Variants in FGGY observed in about 807,000 individuals in gnomAD.
FGGY encodes the protein FGGY carbohydrate kinase domain containing.
Under a neutral mutation model 71.3 loss-of-function variants are expected in FGGY, and 72 were observed. The ratio of observed to expected loss-of-function variants is 1.01; its 90% CI spans 0.84 to 1.23. The LOEUF (loss-of-function observed/expected upper bound fraction) is 1.23, where lower values mean the gene tolerates loss of function less well. Ranked by LOEUF, FGGY falls within the 50% of genes most tolerant of loss-of-function variation. The pLI, the probability that FGGY is intolerant of heterozygous loss-of-function variation, is 0.00. For missense variants in FGGY, 668 were observed against 682.3 expected (o/e 0.98, Z 0.23); for synonymous variants, 251 against 250.3 (o/e 1.00, Z -0.02).
At chr1:59,599,361 C>A (rs2096554436) in intron 8 of FGGY, among the ~76,000 whole-genome samples, 1 of 152,040 alleles carries the variant, frequency 6.6e-6, no homozygotes, top group Non-Finnish European at 1.5e-5. Flanking sequence ...TGGCCTTAGC[C>A]TCCCAAAGTG....
At position 59,667,251 on chromosome 1, in the gene FGGY, T is replaced by C. The variant is rs1381638591; in HGVS notation, c.1297-32T>C. 3 of 1,613,498 alleles carry C rather than the reference T, an allele frequency of 1.9e-6. No individual in the cohort carries two copies. In the South Asian group the frequency reaches 3.3e-5, roughly 18 times the overall value. ...TCCCTAGTGTTTACTTTTGTGACTA[T>C]ACTGATGCTATCTTCTGCTTTTCCT... is the stretch of plus-strand genomic sequence containing the variant. On this transcript the variant is annotated intron_variant, in intron 12 of 15. Coordinates refer to ENST00000303721, the MANE Select transcript of FGGY (RefSeq NM_018291.5).
Position 59,660,019 on chromosome 1 carries a change from T to C in FGGY, c.1222-200T>C, listed in dbSNP as rs138704263. ...TGTTTAAGGTCAGGGTATTTTCTCTTGGGGAGGAAGGGATAGTTTTTCCCA... is the reference window on the plus strand; with the variant it reads ...TGTTTAAGGTCAGGGTATTTTCTCTCGGGGAGGAAGGGATAGTTTTTCCCA... On this transcript the variant is annotated intron_variant, in intron 11 of 15. Coordinates refer to ENST00000303721, the MANE Select transcript of FGGY (RefSeq NM_018291.5). 2.6e-5 allele frequency among the ~76,000 whole-genome samples: 4 copies of C among 152,330 alleles called. No homozygotes were observed. The East Asian group carries it at 7.7e-4, about 29-fold the overall frequency.
intron 11 of FGGY, among the ~76,000 whole-genome samples, chr1:59,641,886 T>C (rs775034167): frequency 6.6e-6 from 1 of 152,198 alleles, no homozygotes; most frequent in Non-Finnish European, 1.5e-5. Context: ...AAGCACAAGG[T>C]TCTTTTAAAC....
At chr1:59,412,787 T>C (rs1260159190) in intron 5 of FGGY, among the ~76,000 whole-genome samples, 1 of 152,204 alleles carries the variant, frequency 6.6e-6, no homozygotes, top group Non-Finnish European at 1.5e-5. Context: ...AGCTGAATTA[T>C]AAGTGCTTTT....
chr1:59,634,041 G>A (rs115610842), intron 10 of FGGY, among the ~76,000 whole-genome samples: 1 of 152,148 alleles, frequency 6.6e-6, no homozygotes, highest in Non-Finnish European at 1.5e-5. Flanking sequence ...AACAAAGAGG[G>A]TATTGTTCCT....
chr1:59,506,615 A>G (rs866725261), intron 6 of FGGY, among the ~76,000 whole-genome samples: 102 of 152,364 alleles, frequency 6.7e-4, no homozygotes, highest in Middle Eastern at 3.4e-3. Context: ...TCTGGCCAAC[A>G]TGGCGAAACC....
intron 6 of FGGY, among the ~76,000 whole-genome samples, chr1:59,473,309 C>T (rs995774788): frequency 6.6e-6 from 1 of 152,022 alleles, no homozygotes; most frequent in South Asian, 2.1e-4. Context: ...CGAAGGTCCG[C>T]AGCTTCACTC....
At chr1:59,695,837 C>T (rs1264380245) in intron 14 of FGGY, among the ~76,000 whole-genome samples, 2 of 151,918 alleles carry the variant, frequency 1.3e-5, no homozygotes, top group Non-Finnish European at 2.9e-5. Context: ...TTTTTTTCTT[C>T]TTAAATGACA....
Position 59,746,937 on chromosome 1 carries a change from T to G in FGGY, c.1513-10994T>G, listed in dbSNP as rs142806987. 9.2e-5 allele frequency among the ~76,000 whole-genome samples: 14 copies of G among 152,348 alleles called. No homozygotes were observed. The East Asian group carries it at 2.7e-3, about 29-fold the overall frequency. ...ATAGGTTCCAAAGCCATATGTTTTC[T>G]TGTCTTTGAACTGGGAATACAAACT... On this transcript the variant is annotated intron_variant, in intron 14 of 15. Transcript: ENST00000303721.
chr1:59,478,565 T>G (rs537950958), intron 6 of FGGY, among the ~76,000 whole-genome samples: 2 of 152,312 alleles, frequency 1.3e-5, no homozygotes, highest in African/African-American at 4.8e-5. Flanking sequence ...TAAGTAAGCA[T>G]TAGAGATACA....
intron 5 of FGGY, among the ~76,000 whole-genome samples, chr1:59,396,254 G>A (rs1368157216): frequency 6.6e-6 from 1 of 152,094 alleles, no homozygotes; most frequent in African/African-American, 2.4e-5. Context: ...TCATAATTTT[G>A]GGTGTCTCAC....
chr1:59,610,986 G>A (rs917789797), intron 9 of FGGY, among the ~76,000 whole-genome samples: 2 of 152,232 alleles, frequency 1.3e-5, no homozygotes, highest in Non-Finnish European at 1.5e-5. Context: ...CCATTGCTGA[G>A]GCTTGAGTAG....
intron 2 of FGGY, among the ~76,000 whole-genome samples, chr1:59,335,636 A>G (rs1366876560): frequency 6.6e-6 from 1 of 152,166 alleles, no homozygotes; most frequent in Non-Finnish European, 1.5e-5. Context: ...TTCCATCAGC[A>G]ATGTATAAGG....
intron 14 of FGGY, among the ~76,000 whole-genome samples, chr1:59,709,532 C>T (rs895484218): frequency 3.3e-5 from 5 of 151,714 alleles, no homozygotes; most frequent in Non-Finnish European, 7.4e-5. Context: ...TATGAAATGC[C>T]GCCCACAGGT....
At chr1:59,325,660 G>A (rs1315655755) in intron 2 of FGGY, among the ~76,000 whole-genome samples, 1 of 152,154 alleles carries the variant, frequency 6.6e-6, no homozygotes, top group Non-Finnish European at 1.5e-5. Flanking sequence ...CACAAATTAG[G>A]TGCTCAATTA....
intron 8 of FGGY, among the ~76,000 whole-genome samples, chr1:59,585,888 A>G (rs2096277082): frequency 2.6e-5 from 4 of 152,246 alleles, no homozygotes; most frequent in Admixed American, 2.6e-4. Context: ...GAAGACATTT[A>G]TGCAGCCAAA....
At chr1:59,460,153 A>G (rs769509059) in intron 6 of FGGY, among the ~76,000 whole-genome samples, 4 of 152,178 alleles carry the variant, frequency 2.6e-5, no homozygotes, top group Admixed American at 2.6e-4. Context: ...AGACAAGGGA[A>G]GCCATGACAG....
At chr1:59,539,635 A>C (rs986651743) in intron 7 of FGGY, among the ~76,000 whole-genome samples, 1 of 152,202 alleles carries the variant, frequency 6.6e-6, no homozygotes, top group South Asian at 2.1e-4. Context: ...TTAAGTATGA[A>C]ATTTAAAAAA....
intron 5 of FGGY, among the ~76,000 whole-genome samples, chr1:59,379,173 A>ACG (rs1235657190): frequency 1.3e-5 from 2 of 151,830 alleles, no homozygotes; most frequent in African/African-American, 4.8e-5. Flanking sequence ...ACACACACAC[A>ACG]CACACACACA....
Sources: allele counts gnomAD v4.1 joint callset (sites outside exome capture counted in the v4.1 genomes callset), GRCh38; gene constraint gnomAD v4.1.1; transcripts MANE v1.5; gene names NCBI Gene and HGNC (gene_info 2026-07-23, HGNC 2026-07-21).